The following PDGFD variants were observed in gnomAD, a reference collection of about 807,000 sequenced individuals.
The protein encoded by PDGFD is platelet-derived growth factor D.
In PDGFD, 30 loss-of-function variants were observed where a neutral mutation model predicts 44.7. The observed-to-expected ratio is 0.67, with a 90% CI of 0.50 to 0.91. The LOEUF (loss-of-function observed/expected upper bound fraction) is 0.91. Ranked by LOEUF, PDGFD falls within the 40% of genes least tolerant of loss-of-function variation. PDGFD has a pLI of 0.00. For missense variants in PDGFD, 445 were observed against 457.8 expected (o/e 0.97, Z 0.25); for synonymous variants, 173 against 168.4 (o/e 1.03, Z -0.21).
At chr11:104,120,895 A>C (rs768372036) in intron 1 of PDGFD, among the ~76,000 whole-genome samples, 1 of 151,974 alleles carries the variant, frequency 6.6e-6, no homozygotes, top group Non-Finnish European at 1.5e-5. Flanking sequence ...CTTTGAATGC[A>C]ATAATTAATA....
At chr11:104,049,281 T>C (rs1394053865) in intron 1 of PDGFD, among the ~76,000 whole-genome samples, 2 of 152,074 alleles carry the variant, frequency 1.3e-5, no homozygotes, top group Non-Finnish European at 2.9e-5. Context: ...ACCTGGATGA[T>C]GAAAAAGGAG....
At chr11:104,127,731 G>A (rs1286998281) in intron 1 of PDGFD, among the ~76,000 whole-genome samples, 1 of 152,004 alleles carries the variant, frequency 6.6e-6, no homozygotes, top group African/African-American at 2.4e-5. Flanking sequence ...GTGTGTGAAG[G>A]ACACAAAGCT....
chr11:104,024,086 T>C (rs2134384395), intron 1 of PDGFD, among the ~76,000 whole-genome samples: 1 of 152,250 alleles, frequency 6.6e-6, no homozygotes, highest in South Asian at 2.1e-4. Context: ...AAATGTCACA[T>C]GACTGAAGAG....
chr11:104,000,325 A>G, intron 1 of PDGFD, 70 bp from the exon 2 acceptor site: 17 of 1,270,070 alleles, frequency 1.3e-5, no homozygotes, highest in Non-Finnish European at 1.9e-5. Flanking sequence ...AAAAGAGAAC[A>G]GTTTACAACA....
intron 1 of PDGFD, among the ~76,000 whole-genome samples, chr11:104,087,019 G>GAC (rs1861138913): frequency 1.1e-5 from 1 of 94,202 alleles, no homozygotes; most frequent in Non-Finnish European, 2.0e-5. Flanking sequence ...TAGGCTCTTA[G>GAC]TCTTTTTTTT....
chr11:104,079,511 C>A (rs1337736876), intron 1 of PDGFD, among the ~76,000 whole-genome samples: 3 of 152,146 alleles, frequency 2.0e-5, no homozygotes, highest in Non-Finnish European at 4.4e-5. Context: ...CCTCAGCCTC[C>A]CAAGTAGCTG....
intron 1 of PDGFD, among the ~76,000 whole-genome samples, chr11:104,099,862 C>G (rs1374227133): frequency 1.3e-5 from 2 of 151,926 alleles, no homozygotes; most frequent in Non-Finnish European, 2.9e-5. Flanking sequence ...ACCCTTCATG[C>G]ATGTTACGTC....
chr11:104,144,988 A>T (rs1054068588), intron 1 of PDGFD, among the ~76,000 whole-genome samples: 1 of 152,230 alleles, frequency 6.6e-6, no homozygotes, highest in East Asian at 1.9e-4. Flanking sequence ...AAAATGTGGA[A>T]AAGTGAAAAT....
chr11:103,915,296 G>A (rs10895543), intron 6 of PDGFD, among the ~76,000 whole-genome samples: 69,204 of 151,462 alleles, frequency 0.46, 15,846 homozygotes, highest in South Asian at 0.49. Flanking sequence ...ATTCTTATAC[G>A]CCAATAATAG....
At chr11:104,048,686 A>G (rs1376572715) in intron 1 of PDGFD, among the ~76,000 whole-genome samples, 2 of 152,196 alleles carry the variant, frequency 1.3e-5, no homozygotes, top group Non-Finnish European at 2.9e-5. Context: ...ACAAATTGAG[A>G]GTATGCTGAG....
chr11:104,019,693 T>C (rs1434959458), intron 1 of PDGFD, among the ~76,000 whole-genome samples: 2 of 152,210 alleles, frequency 1.3e-5, no homozygotes, highest in African/African-American at 2.4e-5. Context: ...GCTGTAGATA[T>C]GATCTGGGGG....
intron 1 of PDGFD, among the ~76,000 whole-genome samples, chr11:104,092,442 T>C (rs1429769505): frequency 2.0e-5 from 3 of 152,156 alleles, no homozygotes; most frequent in African/African-American, 7.2e-5. Context: ...CCCTCTGCGC[T>C]ATCTCAAATC....
chr11:104,042,961 T>C (rs1242973431), intron 1 of PDGFD, among the ~76,000 whole-genome samples: 1 of 152,188 alleles, frequency 6.6e-6, no homozygotes, highest in Non-Finnish European at 1.5e-5. Context: ...TGTTTTGCAT[T>C]CATACATGTC....
intron 3 of PDGFD, among the ~76,000 whole-genome samples, chr11:103,984,344 G>C (rs1327364244): frequency 2.6e-5 from 4 of 151,600 alleles, no homozygotes; most frequent in Admixed American, 2.6e-4. Flanking sequence ...TCACTTGAAA[G>C]TGGGAACTAA....
intron 1 of PDGFD, among the ~76,000 whole-genome samples, chr11:104,120,234 T>C (rs1462918896): frequency 6.6e-6 from 1 of 151,668 alleles, no homozygotes; most frequent in Non-Finnish European, 1.5e-5. Flanking sequence ...AAGGCTTTCA[T>C]TACTTGATGG....
chr11:103,946,308 G>T (rs1858667411), intron 4 of PDGFD: 1 of 152,214 alleles, frequency 6.6e-6, no homozygotes, highest in African/African-American at 2.4e-5. Context: ...TCTTACAAGA[G>T]AGTTAAGCAG....
chr11:103,965,368 A>T (rs1859002165), intron 3 of PDGFD, among the ~76,000 whole-genome samples: 1 of 152,192 alleles, frequency 6.6e-6, no homozygotes. Context: ...CATCTCGTTA[A>T]TAGTTGTACA....
intron 3 of PDGFD, among the ~76,000 whole-genome samples, chr11:103,956,199 C>T (rs1858843546): frequency 6.6e-6 from 1 of 151,166 alleles, no homozygotes; most frequent in African/African-American, 2.4e-5. Context: ...TCTCCTAATG[C>T]TATCCCTCCC....
intron 1 of PDGFD, among the ~76,000 whole-genome samples, chr11:104,050,590 A>G (rs905174879): frequency 1.3e-5 from 2 of 152,184 alleles, no homozygotes; most frequent in Admixed American, 6.5e-5. Context: ...TCTGGACCTC[A>G]GTTTGCTCAT....
Sources: allele counts gnomAD v4.1 joint callset (sites outside exome capture counted in the v4.1 genomes callset), GRCh38; gene constraint gnomAD v4.1.1; transcripts MANE v1.5; gene names NCBI Gene and HGNC (gene_info 2026-07-23, HGNC 2026-07-21).